Variants in TAFA4 observed in about 807,000 individuals in gnomAD.
The protein encoded by TAFA4 is TAFA chemokine like family member 4, also known as chemokine-like protein TAFA-4.
In TAFA4, 20 loss-of-function variants were observed where a neutral mutation model predicts 21.1. That is an observed-to-expected ratio of 0.95 (90% CI 0.67 to 1.38). The LOEUF is 1.38. TAFA4 is among the 40% of genes most tolerant of loss of function. The pLI is 0.00. For synonymous variants in TAFA4, 71 were observed against 67.4 expected (o/e 1.05, Z -0.26); for missense variants, 211 against 180.9 (o/e 1.17, Z -0.95).
At chr3:68,825,461 C>T (rs960131657) in intron 3 of TAFA4, among the ~76,000 whole-genome samples, 6 of 152,298 alleles carry the variant, frequency 3.9e-5, no homozygotes, top group South Asian at 2.1e-4. Context: ...GATACATGCA[C>T]GTGTATGTTC....
intron 3 of TAFA4, among the ~76,000 whole-genome samples, chr3:68,791,097 G>A (rs1211964142): frequency 6.6e-6 from 1 of 152,176 alleles, no homozygotes; most frequent in Admixed American, 6.5e-5. Context: ...ACCAACTTAA[G>A]TATCTGACCA....
At chr3:68,784,969 G>C (rs1703224004) in intron 3 of TAFA4, among the ~76,000 whole-genome samples, 1 of 152,028 alleles carries the variant, frequency 6.6e-6, no homozygotes, top group South Asian at 2.1e-4. Flanking sequence ...CTAGACACAA[G>C]GTGCTGATTG....
At chr3:68,746,456 C>A (rs1702459643) in intron 4 of TAFA4, among the ~76,000 whole-genome samples, 1 of 152,136 alleles carries the variant, frequency 6.6e-6, no homozygotes, top group Admixed American at 6.5e-5. Flanking sequence ...ATTAAGAAAA[C>A]ATCTTCCTAG....
chr3:68,873,337 TAC>T (rs34998311), intron 3 of TAFA4, among the ~76,000 whole-genome samples: 15,923 of 133,362 alleles, frequency 0.12, 935 homozygotes, highest in Middle Eastern at 0.17. Context: ...CACGCAGACA[TAC>T]ACACACACAC....
intron 3 of TAFA4, among the ~76,000 whole-genome samples, chr3:68,838,284 T>A (rs746148839): frequency 1.6e-4 from 24 of 152,182 alleles, no homozygotes; most frequent in Non-Finnish European, 2.9e-4. Flanking sequence ...GGCTAGATGT[T>A]AATTAAGTGC....
intron 3 of TAFA4, among the ~76,000 whole-genome samples, chr3:68,840,342 G>A (rs1370118303): frequency 6.6e-6 from 1 of 152,076 alleles, no homozygotes; most frequent in African/African-American, 2.4e-5. Context: ...CCATATAACT[G>A]GGACCACAGG....
intron 3 of TAFA4, among the ~76,000 whole-genome samples, chr3:68,876,187 G>T (rs770137129): frequency 1.3e-5 from 2 of 152,060 alleles, no homozygotes; most frequent in African/African-American, 4.8e-5. Context: ...GAATATATTG[G>T]GTTAAATAAA....
chr3:68,814,730 C>A (rs1398403189), intron 3 of TAFA4, among the ~76,000 whole-genome samples: 1 of 152,124 alleles, frequency 6.6e-6, no homozygotes, highest in Non-Finnish European at 1.5e-5. Context: ...TGAAAATGGC[C>A]ATACTGCCCA....
chr3:68,774,613 G>A, intron 3 of TAFA4, among the ~76,000 whole-genome samples: 1 of 152,176 alleles, frequency 6.6e-6, no homozygotes, highest in Non-Finnish European at 1.5e-5. Flanking sequence ...ATGGTATTGG[G>A]TCAACTAGTA....
intron 3 of TAFA4, among the ~76,000 whole-genome samples, chr3:68,775,927 GA>G (rs1168806825): frequency 3.3e-5 from 5 of 151,958 alleles, no homozygotes; most frequent in African/African-American, 1.2e-4. Context: ...AAGAAAGCAA[GA>G]AAAAATGACC....
At chr3:68,779,270 G>C (rs531341323) in intron 3 of TAFA4, among the ~76,000 whole-genome samples, 11 of 152,264 alleles carry the variant, frequency 7.2e-5, no homozygotes, top group African/African-American at 2.2e-4. Flanking sequence ...CAGCATAAAC[G>C]TTTGGAAAAC....
chr3:68,752,752 T>C (rs1702579639), intron 4 of TAFA4, 111 bp downstream of exon 4: 1 of 1,345,890 alleles, frequency 7.4e-7, no homozygotes, highest in Non-Finnish European at 1.1e-6. Context: ...TTGACACTGA[T>C]CTCAAAGCAA....
Position 68,791,303 on chromosome 3 carries a change from A to T in TAFA4, c.131-38285T>A, listed in dbSNP as rs147121115. Among the ~76,000 whole-genome samples, 1,265 of 152,332 alleles carry T rather than the reference A, an allele frequency of 8.3e-3. 17 individuals carry two copies. The highest frequency in any genetic ancestry group is 0.029 in the African/African-American group (1,199 of 41,564). ...TCTAACATGCTGGTGTCCTTGTAAG[A>T]AGAGGAAAATGTCATGTGAAGACAG... On this transcript the variant is annotated intron_variant, in intron 3 of 5. Transcript: ENST00000295569.
chr3:68,828,257 C>T (rs907564699), intron 3 of TAFA4, among the ~76,000 whole-genome samples: 1 of 152,120 alleles, frequency 6.6e-6, no homozygotes, highest in African/African-American at 2.4e-5. Flanking sequence ...GGTACCAGTA[C>T]CATGCTGTTT....
chr3:68,803,956 T>A (rs1357963331), intron 3 of TAFA4, among the ~76,000 whole-genome samples: 1 of 151,720 alleles, frequency 6.6e-6, no homozygotes, highest in Non-Finnish European at 1.5e-5. Context: ...CCTGGCTAAT[T>A]TTTGTATTTT....
At chr3:68,889,631 G>A (rs2089711345) in intron 1 of TAFA4, among the ~76,000 whole-genome samples, 1 of 152,200 alleles carries the variant, frequency 6.6e-6, no homozygotes, top group Middle Eastern at 3.4e-3. Context: ...ACTCTACAAT[G>A]ATGAAATACC....
In TAFA4 at chr3:68,765,854, C is replaced by T. The variant is rs558842307; in HGVS notation, c.131-12836G>A. Among the ~76,000 whole-genome samples the T allele has an allele frequency of 2.8e-3, 422 of 152,168 alleles. 3 individuals carry two copies. Among genetic ancestry groups the T allele is most frequent in the Non-Finnish European group, 4.4e-3 (300 of 68,000 alleles). On this transcript the variant is annotated intron_variant, in intron 3 of 5. Transcript: ENST00000295569. The stretch of plus-strand genomic sequence containing the variant: ...ATACCGAGGGGAAGAGATTCAGTAT[C>T]CCCTCACTTTAAAGGACCTCAATAG...
At chr3:68,888,912 AAGTTTTGGAAGGC>A (rs2089703374) in intron 1 of TAFA4, among the ~76,000 whole-genome samples, 1 of 152,130 alleles carries the variant, frequency 6.6e-6, no homozygotes, top group African/African-American at 2.4e-5. Flanking sequence ...ATTTCAACAT[AAGTTTTGGAAGGC>A]ACATTTAAAC....
At chr3:68,814,502 A>T (rs1470673121) in intron 3 of TAFA4, among the ~76,000 whole-genome samples, 3 of 149,320 alleles carry the variant, frequency 2.0e-5, no homozygotes, top group African/African-American at 7.3e-5. Context: ...CAAAAATCAC[A>T]AGCATTCTTA....
Sources: gnomAD v4.1 joint callset for allele counts (sites outside exome capture counted in the v4.1 genomes callset) on GRCh38, gnomAD v4.1.1 for gene constraint, MANE v1.5 for transcripts, NCBI Gene and HGNC (gene_info 2026-07-23, HGNC 2026-07-21) for gene names.